SRC: variants seen among roughly 807,000 people sequenced by gnomAD.
The protein encoded by SRC is SRC proto-oncogene, non-receptor tyrosine kinase.
SRC carries 13 observed loss-of-function variants against 62.9 expected under a neutral mutation model. The observed-to-expected ratio is 0.21, with a 90% confidence interval of 0.13 to 0.33. The LOEUF is 0.33. Among genes scored for constraint, SRC ranks in the 10% least tolerant of loss-of-function variants. The probability of loss-of-function intolerance (pLI) is 1.00; values close to 1 mark genes in which losing one functional copy is unlikely to be tolerated. For missense variants in SRC, 457 were observed against 737.3 expected (o/e 0.62, Z 4.40); for synonymous variants, 302 against 317.5 (o/e 0.95, Z 0.52).
chr20:37,370,767 T>G (rs1042410045), intron 2 of SRC, among the ~76,000 whole-genome samples: 1 of 152,190 alleles, frequency 6.6e-6, no homozygotes, highest in Non-Finnish European at 1.5e-5. Context: ...CTTTGTGTGG[T>G]TATGGTATCG....
chr20:37,344,791 A>G (rs1428005333), upstream of SRC: 1 of 152,226 alleles, frequency 6.6e-6, no homozygotes, highest in African/African-American at 2.4e-5. Flanking sequence ...TCACCGCAAG[A>G]GCTACCATTC....
chr20:37,376,248 CCTAA>C (rs912495108), intron 2 of SRC, among the ~76,000 whole-genome samples: 6 of 152,334 alleles, frequency 3.9e-5, no homozygotes, highest in African/African-American at 1.4e-4. Flanking sequence ...GAGGCTTTTG[CCTAA>C]CTGTCAAAGT....
intron 2 of SRC, among the ~76,000 whole-genome samples, chr20:37,373,190 A>G (rs545161207): frequency 6.6e-6 from 1 of 151,114 alleles, no homozygotes; most frequent in Admixed American, 6.6e-5. Context: ...ACACATGTAT[A>G]CATATATGTA....
intron 3 of SRC, among the ~76,000 whole-genome samples, chr20:37,383,220 T>A (rs900428964): frequency 2.0e-5 from 3 of 152,134 alleles, no homozygotes; most frequent in Non-Finnish European, 4.4e-5. Context: ...GGGGAACACT[T>A]CCCAAGGAGG....
rs568051687 is a variant in SRC, at chr20:37,402,349, G to A, written c.1117-86G>A. On this transcript the variant is annotated intron_variant, in intron 11 of 13. Transcript: ENST00000373578. The surrounding 1 kb of genome is among the most constrained non-coding windows in gnomAD (Gnocchi z 6.2). ...AGTGTGGGGAGGGTGGGGAAGGGGT[G>A]GTTGGCTCTCCAGCCCCAGAGTGCT... 4.2e-5 allele frequency: 64 copies of A among 1,521,196 alleles called. No individual in the cohort carries two copies. The African/African-American group carries it at 8.1e-4, about 19-fold the overall frequency. The allele number at this position is 1,521,196 out of a possible 1,614,324, so 94.2% of individuals were successfully genotyped here.
chr20:37,404,159 C>G lies in SRC; in HGVS notation c.*780C>G, dbSNP rs996435638. 4.3e-6 allele frequency: 1 copy of G among 233,594 alleles called. No homozygotes were observed. The highest frequency in any genetic ancestry group is 8.5e-6 in the Non-Finnish European group (1 of 118,090). 14.5% of individuals were successfully genotyped at this position (233,594 alleles called of 1,614,324 possible). On this transcript the variant is annotated 3_prime_UTR_variant, in exon 14 of 14. Transcript: ENST00000373578. The stretch of plus-strand genomic sequence containing the variant: ...CTGTCATCCTCAGGAACCAACAATT[C>G]GTCGGAGGCATCATGGAAAGACTGG...
chr20:37,372,330 T>C (rs145701487), intron 2 of SRC, among the ~76,000 whole-genome samples: 1 of 152,316 alleles, frequency 6.6e-6, no homozygotes, highest in East Asian at 1.9e-4. Context: ...GCTAGAAATT[T>C]CCCTTTAAGT....
Position 37,388,616 on chromosome 20 carries a change from C to T in SRC, c.350+2442C>T, listed in dbSNP as rs115379951. 3.7e-3 allele frequency among the ~76,000 whole-genome samples: 562 copies of T among 152,264 alleles called. 5 individuals are homozygous for T. Among genetic ancestry groups the T allele is most frequent in the African/African-American group, 0.011 (477 of 41,550 alleles). ...AAAATAAATTAGCTAGGTGTGGTGG[C>T]GCATGCCAGTGGTCCCAGCTACTCA... On this transcript the variant is annotated intron_variant, in intron 5 of 13. Coordinates refer to ENST00000373578, the MANE Select transcript of SRC (RefSeq NM_198291.3).
At chr20:37,345,690 A>G (rs2069705781), upstream of SRC, among the ~76,000 whole-genome samples, 1 of 152,222 alleles carries the variant, frequency 6.6e-6, no homozygotes, top group African/African-American at 2.4e-5. Context: ...GGTGGTTAGG[A>G]TTAAACCCTG....
chr20:37,391,493 G>A (rs566426234), intron 5 of SRC, among the ~76,000 whole-genome samples: 42 of 152,302 alleles, frequency 2.8e-4, no homozygotes, highest in Middle Eastern at 6.8e-3. Context: ...TCTGTGATTT[G>A]AGTCCTTGCT....
At chr20:37,361,208 G>T (rs1037086084) in intron 1 of SRC, among the ~76,000 whole-genome samples, 4 of 152,182 alleles carry the variant, frequency 2.6e-5, no homozygotes, top group Admixed American at 1.3e-4. Flanking sequence ...GTCAAGGGAT[G>T]GGAGCTTGCG....
intron 5 of SRC, among the ~76,000 whole-genome samples, chr20:37,391,143 C>T (rs1343244820): frequency 6.6e-6 from 1 of 152,202 alleles, no homozygotes; most frequent in Non-Finnish European, 1.5e-5. Flanking sequence ...TGGAGACTCC[C>T]CAGAGGCCGG....
rs1396809822 is a variant in SRC at position 37,382,771 on chromosome 20, C to T, written c.-20C>T. 6 of 152,154 alleles carry T rather than the reference C, an allele frequency of 3.9e-5. No individual in the cohort carries two copies. The highest frequency in any genetic ancestry group is 8.8e-5 in the Non-Finnish European group (6 of 68,052). The allele number at this position is 152,154 out of a possible 1,614,324, so 9.4% of individuals were successfully genotyped here. On this transcript the variant is annotated 5_prime_UTR_variant, in exon 3 of 14. Transcript: ENST00000373578. The stretch of plus-strand genomic sequence containing the variant: ...TGCCTCCCAGGTCCTCTGGGACAGC[C>T]CCTGCCTTCTACCAGGTGAGATGAT...
chr20:37,397,000 G>A lies in SRC; in HGVS notation c.703+689G>A, dbSNP rs888558573. Among the ~76,000 whole-genome samples, 1 of 152,100 alleles carries A rather than the reference G, an allele frequency of 6.6e-6. No homozygotes were observed. Among genetic ancestry groups the A allele is most frequent in the African/African-American group, 2.4e-5 (1 of 41,390 alleles). Reference sequence around the variant, plus strand: ...GCCACTCTCTGTCTCTTCGGCCACCGCTGTGTAGCTCATTCTGAACCCCTT... The same window carrying A: ...GCCACTCTCTGTCTCTTCGGCCACCACTGTGTAGCTCATTCTGAACCCCTT... On this transcript the variant is annotated intron_variant, in intron 8 of 13. Transcript: ENST00000373578. This position sits in a 1 kb window ranked among gnomAD's most constrained non-coding sequence, Gnocchi z 6.1.
chr20:37,373,417 G>C (rs1296641838), intron 2 of SRC, among the ~76,000 whole-genome samples: 1 of 122,464 alleles, frequency 8.2e-6, no homozygotes, highest in Non-Finnish European at 1.6e-5. Context: ...GCATATATAC[G>C]CATATATGCG....
chr20:37,373,294 T>C (rs2070213341), intron 2 of SRC, among the ~76,000 whole-genome samples: 1 of 151,768 alleles, frequency 6.6e-6, no homozygotes, highest in Admixed American at 6.6e-5. Context: ...ATATTACATA[T>C]GTACACATGC....
chr20:37,395,115 C>G (rs1343120073), intron 7 of SRC, among the ~76,000 whole-genome samples: 1 of 152,186 alleles, frequency 6.6e-6, no homozygotes, highest in African/African-American at 2.4e-5. Flanking sequence ...TCCACATGCA[C>G]CCTCCCGGGC....
intron 1 of SRC, among the ~76,000 whole-genome samples, chr20:37,353,217 C>G (rs2069832864): frequency 6.6e-6 from 1 of 152,132 alleles, no homozygotes; most frequent in South Asian, 2.1e-4. Context: ...AAACTGTGAC[C>G]TCAAATCAGG....
chr20:37,386,229 G>A (rs967903515), intron 5 of SRC, 55 bp downstream of exon 5: 30 of 1,514,700 alleles, frequency 2.0e-5, no homozygotes, highest in African/African-American at 1.8e-4. Flanking sequence ...ACTTCAAAGC[G>A]GGCAGGGGCT....
Sources: allele counts gnomAD v4.1 joint callset (sites outside exome capture counted in the v4.1 genomes callset), GRCh38; gene constraint gnomAD v4.1.1; non-coding constraint Gnocchi (gnomAD v3.1); transcripts MANE v1.5; gene names NCBI Gene and HGNC (gene_info 2026-07-23, HGNC 2026-07-21).